The following SLC17A1 variants were observed in gnomAD, a reference collection of about 807,000 sequenced individuals.
SLC17A1 encodes solute carrier family 17 member 1, also known as sodium-dependent phosphate transport protein 1.
Under a neutral mutation model 53.5 loss-of-function variants are expected in SLC17A1, and 51 were observed. The ratio of observed to expected loss-of-function variants is 0.95; its 90% CI spans 0.76 to 1.20. The LOEUF is 1.20. Ranked by LOEUF, SLC17A1 falls within the 50% of genes most tolerant of loss-of-function variation. The pLI, the probability that SLC17A1 is intolerant of heterozygous loss-of-function variation, is 0.00. For synonymous variants in SLC17A1, 179 were observed against 198.8 expected (o/e 0.90, Z 0.84); for missense variants, 538 against 568.2 (o/e 0.95, Z 0.54).
chr6:25,811,895 A>G, intron 8 of SLC17A1, 125 bp from the exon 9 acceptor site: 1 of 1,012,806 alleles, frequency 9.9e-7, no homozygotes, highest in Non-Finnish European at 1.4e-6. Flanking sequence ...TCATCAACAT[A>G]CAACAACAGA....
At chr6:25,820,640 G>A (rs1475929965) in intron 3 of SLC17A1, among the ~76,000 whole-genome samples, 12 of 152,122 alleles carry the variant, frequency 7.9e-5, no homozygotes. Flanking sequence ...CAGCACTTTG[G>A]GAGGACGAGG....
chr6:25,816,299 G>A (rs963011805), intron 6 of SLC17A1, among the ~76,000 whole-genome samples: 1 of 152,138 alleles, frequency 6.6e-6, no homozygotes, highest in Non-Finnish European at 1.5e-5. Flanking sequence ...CTTCCCCATT[G>A]TGCACCATTC....
At chr6:25,737,095 G>C in the SLC17A1 span, among the ~76,000 whole-genome samples, 2 of 152,172 alleles carry the variant, frequency 1.3e-5, no homozygotes, top group Non-Finnish European at 2.9e-5. Context: ...ACTAATGAAA[G>C]CCTACCAGGT....
chr6:25,784,394 T>C (rs1013889018), intron 12 of SLC17A1, among the ~76,000 whole-genome samples: 1 of 152,198 alleles, frequency 6.6e-6, no homozygotes, highest in Admixed American at 6.5e-5. Flanking sequence ...CATCTGCTTC[T>C]GGTGAGGGTC....
chr6:25,829,149 G>C (rs941762280), intron 2 of SLC17A1, among the ~76,000 whole-genome samples: 1 of 152,090 alleles, frequency 6.6e-6, no homozygotes, highest in Non-Finnish European at 1.5e-5. Flanking sequence ...TTTCACTGTG[G>C]ACTTTTGATC....
the SLC17A1 span, among the ~76,000 whole-genome samples, chr6:25,725,036 G>T: frequency 2.5e-5 from 3 of 120,462 alleles, no homozygotes; most frequent in East Asian, 3.6e-4. Flanking sequence ...TTTTTTTGAG[G>T]TAAGGTCAAC....
chr6:25,726,995 A>G, the SLC17A1 span: 3 of 1,614,114 alleles, frequency 1.9e-6, no homozygotes, highest in Non-Finnish European at 2.5e-6. Flanking sequence ...AGGAAGGCAA[A>G]AAGCGCAAGA....
rs758582059 is a variant in SLC17A1, at chr6:25,819,525, GAAGT to G, written c.511_514del (p.Thr171LeufsTer2). Reference sequence around the variant, plus strand: ...TAATTCTTTACCTGATGTACTCATAGAAGTAAGTCGGCCTCGTTCCAGGGGAGGA... The same window carrying G: ...TAATTCTTTACCTGATGTACTCATAGAAGTCGGCCTCGTTCCAGGGGAGGA... On this transcript the variant is annotated frameshift_variant, in exon 5 of 13. Coordinates refer to ENST00000244527, the MANE Select transcript of SLC17A1 (RefSeq NM_005074.5). LOFTEE classifies it high-confidence loss of function. The G allele has an allele frequency of 3.1e-6, 5 of 1,613,116 alleles. No homozygotes were observed. The African/African-American group carries it at 5.3e-5, about 17-fold the overall frequency.
the SLC17A1 span, among the ~76,000 whole-genome samples, chr6:25,728,982 C>T: frequency 1.2e-4 from 19 of 152,308 alleles, no homozygotes; most frequent in Admixed American, 9.8e-4. Flanking sequence ...CATCTATGCT[C>T]ACCTTGTATT....
the SLC17A1 span, among the ~76,000 whole-genome samples, chr6:25,745,269 T>G: frequency 6.6e-6 from 1 of 152,114 alleles, no homozygotes; most frequent in African/African-American, 2.4e-5. Flanking sequence ...TATACAGAAA[T>G]GTTAGTGGAA....
intron 8 of SLC17A1, 93 bp downstream of exon 8, chr6:25,812,738 G>T: frequency 1.2e-6 from 1 of 861,704 alleles, no homozygotes; most frequent in Non-Finnish European, 1.8e-6. Flanking sequence ...AGTGTGAGGA[G>T]CTGGCAAGAG....
At chr6:25,781,588 T>C (rs1043835860), downstream of SLC17A1, among the ~76,000 whole-genome samples, 3 of 152,164 alleles carry the variant, frequency 2.0e-5, no homozygotes, top group Admixed American at 2.0e-4. Context: ...AGTTCAAGAT[T>C]GGGCATCTGC....
intron 12 of SLC17A1, among the ~76,000 whole-genome samples, chr6:25,795,319 T>C (rs1400607771): frequency 6.6e-6 from 1 of 152,108 alleles, no homozygotes; most frequent in Non-Finnish European, 1.5e-5. Flanking sequence ...ATTAGAAACA[T>C]TGAATGTGAT....
chr6:25,727,279 C>T, the SLC17A1 span: 1 of 1,602,944 alleles, frequency 6.2e-7, no homozygotes, highest in Non-Finnish European at 8.5e-7. Flanking sequence ...ACTAAGTACA[C>T]CAGCTCCAAG....
At chr6:25,743,818 T>C in the SLC17A1 span, among the ~76,000 whole-genome samples, 1 of 152,220 alleles carries the variant, frequency 6.6e-6, no homozygotes, top group African/African-American at 2.4e-5. Flanking sequence ...ATAAACCACA[T>C]GCTTTCAGAA....
At chr6:25,779,411 T>C, downstream of SLC17A1, 1 of 485,136 alleles carries the variant, frequency 2.1e-6, no homozygotes, top group Non-Finnish European at 3.6e-6. Flanking sequence ...TTCTGTGTTC[T>C]CCACTCTTCC....
chr6:25,832,001 G>A lies in SLC17A1; in HGVS notation c.-58C>T, dbSNP rs1041469482. On this transcript the variant is annotated 5_prime_UTR_variant, in exon 1 of 13. Coordinates refer to ENST00000244527, the MANE Select transcript of SLC17A1 (RefSeq NM_005074.5). ...TGAGCCCCGTAGACTAACCTGATTC[G>A]GGACAAAAAAGTGATTTCTTCTTCC... The A allele has an allele frequency of 6.6e-6, 1 of 151,876 alleles. No individual in the cohort carries two copies. The highest frequency in any genetic ancestry group is 2.4e-5 in the African/African-American group (1 of 41,328). The allele number at this position is 151,876 out of a possible 1,614,324, so 9.4% of individuals were successfully genotyped here. A position where few individuals can be genotyped will look rare whatever the true frequency, so the allele number is the denominator to read the frequency against.
At chr6:25,780,137 G>C (rs1763228324), downstream of SLC17A1, 1 of 152,176 alleles carries the variant, frequency 6.6e-6, no homozygotes, top group South Asian at 2.1e-4. Flanking sequence ...TAGTGCTTTT[G>C]TTAAAGCCCC....
intron 6 of SLC17A1, among the ~76,000 whole-genome samples, chr6:25,814,615 A>G (rs1011004656): frequency 3.9e-5 from 6 of 152,194 alleles, no homozygotes; most frequent in East Asian, 1.9e-4. Flanking sequence ...CATGACCAAG[A>G]AAAAATCAGT....
Sources: allele counts gnomAD v4.1 joint callset (sites outside exome capture counted in the v4.1 genomes callset), GRCh38; gene constraint gnomAD v4.1.1; transcripts MANE v1.5; gene names NCBI Gene and HGNC (gene_info 2026-07-23, HGNC 2026-07-21).